The following VPS53 variants were observed in gnomAD, a reference collection of about 807,000 sequenced individuals.
VPS53 encodes VPS53 subunit of GARP complex, also known as vacuolar protein sorting-associated protein 53 homolog.
In VPS53, 70 loss-of-function variants were observed where a neutral mutation model predicts 107.0. The ratio of observed to expected loss-of-function variants is 0.65; its 90% CI spans 0.54 to 0.80. The LOEUF is 0.80. VPS53 is among the 30% of genes least tolerant of loss of function. VPS53 has a pLI of 0.00. For synonymous variants in VPS53, 409 were observed against 393.3 expected (o/e 1.04, Z -0.47); for missense variants, 917 against 1,049.4 (o/e 0.87, Z 1.74).
intron 2 of VPS53, among the ~76,000 whole-genome samples, chr17:708,963 C>T (rs934507708): frequency 1.3e-5 from 2 of 152,238 alleles, no homozygotes; most frequent in South Asian, 2.1e-4. Flanking sequence ...GGTTTCTTTC[C>T]GCCCACGCCT....
Position 619,364 on chromosome 17 carries a change from G to A in VPS53, c.1116+4169C>T, listed in dbSNP as rs1597390321. 2.8e-5 allele frequency among the ~76,000 whole-genome samples: 4 copies of A among 144,862 alleles called. No individual in the cohort carries two copies. The East Asian group carries it at 8.5e-4, about 31-fold the overall frequency. On this transcript the variant is annotated intron_variant, in intron 11 of 21. Transcript: ENST00000437048. Reference sequence around the variant, plus strand: ...TATTTCCCGGGTAGCTGGGACTACAGGCGCGCACCACCATGCCCCGCTAAT... The same window carrying A: ...TATTTCCCGGGTAGCTGGGACTACAAGCGCGCACCACCATGCCCCGCTAAT...
chr17:633,499 C>T (rs889883736), intron 7 of VPS53, among the ~76,000 whole-genome samples: 2 of 152,222 alleles, frequency 1.3e-5, no homozygotes, highest in Non-Finnish European at 2.9e-5. Flanking sequence ...TAAGGAGTGT[C>T]TGGCAACCTG....
chr17:519,768 A>T lies in VPS53; in HGVS notation c.2328+58T>A. On this transcript the variant is annotated intron_variant, in intron 21 of 21. Transcript: ENST00000437048. The surrounding 1 kb of genome is among the most constrained non-coding windows in gnomAD (Gnocchi z 5.0). ...GGAACTTATATCCCAATTCCCGGTT[A>T]AGAACCGCTGAGTGTGAGGGGGATG... 1 of 1,295,244 alleles carries T rather than the reference A, an allele frequency of 7.7e-7. No homozygotes were observed. Among genetic ancestry groups the T allele is most frequent in the Non-Finnish European group, 1.1e-6 (1 of 915,902 alleles). 80.2% of individuals were successfully genotyped at this position (1,295,244 alleles called of 1,614,324 possible). A position where few individuals can be genotyped will look rare whatever the true frequency, so the allele number is the denominator to read the frequency against.
intron 11 of VPS53, among the ~76,000 whole-genome samples, chr17:611,042 T>C (rs567596716): frequency 8.1e-4 from 123 of 152,032 alleles, no homozygotes; most frequent in African/African-American, 2.9e-3. Flanking sequence ...AAAATGTGAA[T>C]AGACATTTCC....
rs1425995525 is a variant in VPS53, at chr17:537,194, T to C, written c.1867-18A>G. On this transcript the variant is annotated intron_variant, in intron 17 of 21. Coordinates refer to ENST00000437048, the MANE Select transcript of VPS53 (RefSeq NM_001128159.3). ...CACTGCATCTGAAAGGGAGAAAGGA[T>C]GAGGCGTTGAATCCCTCGCAGGAGA... The C allele has an allele frequency of 6.2e-7, 1 of 1,613,414 alleles. No homozygotes were observed. The highest frequency in any genetic ancestry group is 1.7e-5 in the Admixed American group (1 of 59,968).
At position 518,206 on chromosome 17, in the gene VPS53, A is replaced by C. The variant is rs1012983664; in HGVS notation, c.*922T>G. ...GGCTTGATATGCTGCCATTCTCTGG[A>C]TGCAGGATGACATGAGAGGTCGGGA... is the stretch of plus-strand genomic sequence containing the variant. On this transcript the variant is annotated 3_prime_UTR_variant, in exon 22 of 22. Transcript: ENST00000437048. The C allele has an allele frequency of 6.8e-6, 1 of 147,676 alleles. No individual in the cohort carries two copies. Among genetic ancestry groups the C allele is most frequent in the Non-Finnish European group, 1.5e-5 (1 of 66,304 alleles). 9.1% of individuals were successfully genotyped at this position (147,676 alleles called of 1,614,324 possible). A position where few individuals can be genotyped will look rare whatever the true frequency, so the allele number is the denominator to read the frequency against.
intron 11 of VPS53, among the ~76,000 whole-genome samples, chr17:622,857 AT>A (rs200220802): frequency 0.046 from 6,711 of 144,726 alleles, 451 homozygotes; most frequent in African/African-American, 0.15. Flanking sequence ...CACCCGACTA[AT>A]TTTTTTTTTT....
At position 514,488 on chromosome 17, in the gene VPS53, T is replaced by C. The variant is rs1375130148; in HGVS notation, c.*4640A>G. ...TCCAGCAGGTTATTCTGAGTGCTCT[T>C]CCTAGCCAAGGAATCCCATTTCCAG... On this transcript the variant is annotated 3_prime_UTR_variant, in exon 22 of 22. Transcript: ENST00000437048. The C allele has an allele frequency of 6.8e-6, 1 of 146,482 alleles. No homozygotes were observed. Among genetic ancestry groups the C allele is most frequent in the African/African-American group, 2.6e-5 (1 of 38,728 alleles). The allele number at this position is 146,482 out of a possible 1,614,324, so 9.1% of individuals were successfully genotyped here. A position where few individuals can be genotyped will look rare whatever the true frequency, so the allele number is the denominator to read the frequency against.
At chr17:599,026 A>C (rs1597363939) in intron 12 of VPS53, among the ~76,000 whole-genome samples, 4 of 95,580 alleles carry the variant, frequency 4.2e-5, no homozygotes, top group Admixed American at 1.2e-4. Context: ...CAACCCGGCC[A>C]GCCGCCCCAT....
At position 544,895 on chromosome 17, in the gene VPS53, C is replaced by T. The variant is rs1201575057; in HGVS notation, c.1866+6977G>A. ...AGGAGTTTGAGACTGGCCTGGGCAA[C>T]ATAGCAAGACCTCATCTCTACTAAA... On this transcript the variant is annotated intron_variant, in intron 17 of 21. Coordinates refer to ENST00000437048, the MANE Select transcript of VPS53 (RefSeq NM_001128159.3). Among the ~76,000 whole-genome samples, 3 of 152,032 alleles carry T rather than the reference C, an allele frequency of 2.0e-5. No individual in the cohort carries two copies. The East Asian group carries it at 5.8e-4, about 29-fold the overall frequency.
At chr17:529,077 G>A (rs1398430289) in intron 19 of VPS53, among the ~76,000 whole-genome samples, 2 of 152,124 alleles carry the variant, frequency 1.3e-5, no homozygotes, top group African/African-American at 2.4e-5. Flanking sequence ...ATGGTGTGTG[G>A]CAAAGGTCAA....
At chr17:668,796 G>A (rs1971812637) in intron 4 of VPS53, among the ~76,000 whole-genome samples, 1 of 152,108 alleles carries the variant, frequency 6.6e-6, no homozygotes. Flanking sequence ...ATATGAAGAA[G>A]TCTGCATGAT....
Position 601,648 on chromosome 17 carries a change from T to C in VPS53, c.1218+147A>G, listed in dbSNP as rs117255969. ...CTTTCATGGAGTTTTCTACATGCAC[T>C]TTCAGATAAAGGCCTTCTGTAAAGA... On this transcript the variant is annotated intron_variant, in intron 12 of 21. Coordinates refer to ENST00000437048, the MANE Select transcript of VPS53 (RefSeq NM_001128159.3). The C allele has an allele frequency of 0.019, 10,857 of 575,780 alleles. 152 individuals are homozygous for C. The highest frequency in any genetic ancestry group is 0.03 in the South Asian group (1,044 of 34,518). 35.7% of individuals were successfully genotyped at this position (575,780 alleles called of 1,614,324 possible). A position where few individuals can be genotyped will look rare whatever the true frequency, so the allele number is the denominator to read the frequency against.
chr17:532,417 GC>G (rs1909665412), intron 19 of VPS53: 1 of 160,588 alleles, frequency 6.2e-6, no homozygotes, highest in Non-Finnish European at 1.4e-5. Flanking sequence ...CTGCCCCCAT[GC>G]CCAGCTAATT....
chr17:631,129 C>T (rs372279242), intron 8 of VPS53, among the ~76,000 whole-genome samples: 1 of 152,026 alleles, frequency 6.6e-6, no homozygotes, highest in South Asian at 2.1e-4. Flanking sequence ...AGGCTCCTCA[C>T]TATATCACTC....
intron 2 of VPS53, among the ~76,000 whole-genome samples, chr17:702,121 G>A (rs1973222344): frequency 6.6e-6 from 1 of 152,162 alleles, no homozygotes; most frequent in Non-Finnish European, 1.5e-5. Context: ...GGGAGGCTGA[G>A]GTGGGTGGAC....
At chr17:678,207 G>A (rs1452959477) in intron 4 of VPS53, among the ~76,000 whole-genome samples, 3 of 152,024 alleles carry the variant, frequency 2.0e-5, no homozygotes, top group Admixed American at 6.6e-5. Flanking sequence ...ACTGCCTGAG[G>A]TCAGGAGTTT....
chr17:643,755 C>T (rs576960148), intron 7 of VPS53, among the ~76,000 whole-genome samples: 398 of 150,358 alleles, frequency 2.6e-3, no homozygotes, highest in Non-Finnish European at 4.9e-3. Context: ...ACTTGGAAAG[C>T]GAGGACAACA....
intron 17 of VPS53, among the ~76,000 whole-genome samples, chr17:548,441 AC>A (rs1911457266): frequency 6.9e-6 from 1 of 145,600 alleles, no homozygotes; most frequent in Non-Finnish European, 1.5e-5. Flanking sequence ...GAAATATCCA[AC>A]GACTACACTC....
Sources: allele counts gnomAD v4.1 joint callset (sites outside exome capture counted in the v4.1 genomes callset), GRCh38; gene constraint gnomAD v4.1.1; non-coding constraint Gnocchi (gnomAD v3.1); transcripts MANE v1.5; gene names NCBI Gene and HGNC (gene_info 2026-07-23, HGNC 2026-07-21).